Variants in SLC45A3 observed in about 807,000 individuals in gnomAD.
SLC45A3 encodes prostate cancer associated protein 2.
SLC45A3 carries 17 observed loss-of-function variants against 35.3 expected under a neutral mutation model. The observed-to-expected ratio is 0.48, with a 90% CI of 0.33 to 0.72. The LOEUF (loss-of-function observed/expected upper bound fraction) is 0.72. Ranked by LOEUF, SLC45A3 falls within the 30% of genes least tolerant of loss-of-function variation. The probability of loss-of-function intolerance (pLI) is 0.02; values close to 1 mark genes in which losing one functional copy is unlikely to be tolerated. For missense variants in SLC45A3, 597 were observed against 731.7 expected, an observed-to-expected ratio of 0.82 and a Z score of 2.12; for synonymous variants, 288 against 334.3, an observed-to-expected ratio of 0.86 and a Z score of 1.51.
rs990169769 is a variant in SLC45A3 at position 205,658,693 on chromosome 1, T to A, written c.*541A>T. On this transcript the variant is annotated 3_prime_UTR_variant, in exon 5 of 5. Coordinates refer to ENST00000367145, the MANE Select transcript of SLC45A3 (RefSeq NM_033102.3). ...AGTGCTGTGGGCTGAGGGGACCTGG[T>A]TCTTGTGTGTTGCCCCTCAGGACTC... 5.1e-5 allele frequency: 12 copies of A among 235,338 alleles called. No individual in the cohort carries two copies. Among genetic ancestry groups the A allele is most frequent in the African/African-American group, 2.4e-4 (11 of 45,290 alleles). The allele number at this position is 235,338 out of a possible 1,614,324, so 14.6% of individuals were successfully genotyped here. A position where few individuals can be genotyped will look rare whatever the true frequency, so the allele number is the denominator to read the frequency against.
chr1:205,663,136 C>T lies in SLC45A3; in HGVS notation c.655G>A (p.Glu219Lys). The change falls in exon 3 of 5, where the codon GAG becomes AAG. Residue 219 changes from glutamate to lysine, a missense_variant. This residue lies in a region of SLC45A3 where 555 missense variants were observed against 664.9 expected (regional missense o/e 0.83). Transcript: ENST00000367145. ...TCGGTGGGGCCCAGCGCTGCCTCCT[C>T]AGCCACCAGCAGTGTGGCTGCTACG... is the stretch of plus-strand genomic sequence containing the variant. Reference protein sequence around the residue: ...TCVAATLLVAEEAALGPTEPA... With the variant: ...TCVAATLLVAKEAALGPTEPA... The T allele has an allele frequency of 1.2e-6, 2 of 1,610,502 alleles. No homozygotes were observed. Among genetic ancestry groups the T allele is most frequent in the Non-Finnish European group, 1.7e-6 (2 of 1,178,476 alleles).
At chr1:205,678,937 T>TGGGCCCTCCC (rs1250764506) in intron 1 of SLC45A3, among the ~76,000 whole-genome samples, 1 of 152,162 alleles carries the variant, frequency 6.6e-6, no homozygotes, top group East Asian at 1.9e-4. Flanking sequence ...CTGGGCCTCC[T>TGGGCCCTCCC]GGGCCCTCCC....
chr1:205,672,510 T>G (rs1329650780), intron 1 of SLC45A3, among the ~76,000 whole-genome samples: 1 of 152,242 alleles, frequency 6.6e-6, no homozygotes, highest in Non-Finnish European at 1.5e-5. Flanking sequence ...ATATTGTACC[T>G]TCTCTCTAAT....
Position 205,659,041 on chromosome 1 carries a change from A to G in SLC45A3, c.*193T>C. On this transcript the variant is annotated 3_prime_UTR_variant, in exon 5 of 5. Transcript: ENST00000367145. The surrounding 1 kb of genome is among the most constrained non-coding windows in gnomAD (Gnocchi z 5.8). ...AGTCAGGCAGCCCTAGAGACTGGGG[A>G]GAGAGGAGAGGGACGCCCCAGCCCC... 2 of 610,300 alleles carry G rather than the reference A, an allele frequency of 3.3e-6. No individual in the cohort carries two copies. Among genetic ancestry groups the G allele is most frequent in the Non-Finnish European group, 5.7e-6 (2 of 351,364 alleles). 37.8% of individuals were successfully genotyped at this position (610,300 alleles called of 1,614,324 possible).
At chr1:205,670,672 A>G (rs981156955) in intron 1 of SLC45A3, among the ~76,000 whole-genome samples, 1 of 152,168 alleles carries the variant, frequency 6.6e-6, no homozygotes, top group African/African-American at 2.4e-5. Flanking sequence ...AGCTTGTCAG[A>G]GAGGGTGAGG....
At chr1:205,670,619 G>A (rs773578318) in intron 1 of SLC45A3, among the ~76,000 whole-genome samples, 1 of 152,234 alleles carries the variant, frequency 6.6e-6, no homozygotes, top group African/African-American at 2.4e-5. Flanking sequence ...TCGCCCTGCT[G>A]AGCTGCCTTT....
rs1338309308 is a variant in SLC45A3 at position 205,662,930 on chromosome 1, G to A, written c.861C>T (p.Thr287=). Residue 287 remains threonine (T), a synonymous_variant, in exon 3 of 5, where the codon ACC becomes ACT. Coordinates refer to ENST00000367145, the MANE Select transcript of SLC45A3 (RefSeq NM_033102.3). The surrounding 1 kb of genome is among the most constrained non-coding windows in gnomAD (Gnocchi z 6.2). ...AELCSWMALM[T]FTLFYTDFVG... is the part of the protein sequence containing the mutation. ...CGAAATCCGTGTAAAACAGCGTGAA[G>A]GTCATGAGTGCCATCCAGCTGCACA... 4 of 1,613,614 alleles carry A rather than the reference G, an allele frequency of 2.5e-6. No individual in the cohort carries two copies. In the Admixed American group the frequency reaches 6.7e-5, roughly 27 times the overall value.
chr1:205,670,351 T>C (rs185599088), intron 1 of SLC45A3, among the ~76,000 whole-genome samples: 6 of 152,246 alleles, frequency 3.9e-5, no homozygotes, highest in Non-Finnish European at 7.4e-5. Context: ...GGGCCAAATA[T>C]TTCCAAAGCA....
chr1:205,676,118 C>A (rs575443106), intron 1 of SLC45A3, among the ~76,000 whole-genome samples: 1 of 152,174 alleles, frequency 6.6e-6, no homozygotes, highest in African/African-American at 2.4e-5. Context: ...CTGGGTGCTC[C>A]GCTCACTAAG....
rs1343912899 is a variant in SLC45A3 at position 205,662,288 on chromosome 1, G to A, written c.959-162C>T. The A allele has an allele frequency of 3.5e-6, 5 of 1,429,990 alleles. No homozygotes were observed. The highest frequency in any genetic ancestry group is 4.6e-6 in the Non-Finnish European group (5 of 1,095,852). The allele number at this position is 1,429,990 out of a possible 1,614,324, so 88.6% of individuals were successfully genotyped here. A position where few individuals can be genotyped will look rare whatever the true frequency, so the allele number is the denominator to read the frequency against. ...CCCCTTTCTACCTCTAGCAATGGGA[G>A]TCTAGGTTCTTCCACTGACCCTCAG... On this transcript the variant is annotated intron_variant, in intron 3 of 4. Transcript: ENST00000367145. The surrounding 1 kb of genome is among the most constrained non-coding windows in gnomAD (Gnocchi z 6.2).
intron 1 of SLC45A3, among the ~76,000 whole-genome samples, chr1:205,679,703 C>T (rs1316342549): frequency 6.6e-6 from 1 of 151,310 alleles, no homozygotes; most frequent in Non-Finnish European, 1.5e-5. Flanking sequence ...CACACACACA[C>T]ACACACACAC....
Position 205,662,622 on chromosome 1 carries a change from A to C in SLC45A3, c.958+211T>G. ...TCAAACTGGGGCAACGACTCTGATC[A>C]GACTCCTAGAGCAGCCAGAGGCCTT... On this transcript the variant is annotated intron_variant, in intron 3 of 4. Transcript: ENST00000367145. The surrounding 1 kb of genome is among the most constrained non-coding windows in gnomAD (Gnocchi z 6.2). 7.3e-7 allele frequency: 1 copy of C among 1,361,794 alleles called. No homozygotes were observed. The highest frequency in any genetic ancestry group is 2.7e-5 in the East Asian group (1 of 37,054). The allele number at this position is 1,361,794 out of a possible 1,614,324, so 84.4% of individuals were successfully genotyped here.
Position 205,664,600 on chromosome 1 carries a change from C to G in SLC45A3, c.57G>C (p.Leu19Phe). 1 of 1,614,276 alleles carries G rather than the reference C, an allele frequency of 6.2e-7. No individual in the cohort carries two copies. The highest frequency in any genetic ancestry group is 1.7e-5 in the Admixed American group (1 of 60,032). The change falls in exon 2 of 5, where the codon TTG becomes TTC. Residue 19 changes from leucine (L) to phenylalanine (F), a missense_variant. Around this residue, in one of 3 missense-constraint regions of SLC45A3, gnomAD observed 37 missense variants for 41.1 expected, o/e 0.90. Transcript: ENST00000367145. This position sits in a 1 kb window ranked among gnomAD's most constrained non-coding sequence, Gnocchi z 5.3. Reference sequence around the variant, plus strand: ...GGCCAAAGGTTAGCAGGTTGACCAGCAAGAGCTGGGCTTTCCGGTGCCGCA... The same window carrying G: ...GGCCAAAGGTTAGCAGGTTGACCAGGAAGAGCTGGGCTTTCCGGTGCCGCA... ...RLLRHRKAQL[L>F]LVNLLTFGLE...
chr1:205,677,152 T>C, intron 1 of SLC45A3, among the ~76,000 whole-genome samples: 1 of 152,208 alleles, frequency 6.6e-6, no homozygotes, highest in East Asian at 1.9e-4. Context: ...TTTTCCAGCC[T>C]GAGGGGTACA....
At chr1:205,672,286 T>G (rs1336586793) in intron 1 of SLC45A3, among the ~76,000 whole-genome samples, 2 of 151,830 alleles carry the variant, frequency 1.3e-5, no homozygotes, top group Non-Finnish European at 2.9e-5. Context: ...ATGCCAAGAA[T>G]GCAACTGCCT....
In SLC45A3 at chr1:205,664,472, T is replaced by C. The variant is rs762868795; in HGVS notation, c.172+13A>G. On this transcript the variant is annotated intron_variant, in intron 2 of 4. Transcript: ENST00000367145. The surrounding 1 kb of genome is among the most constrained non-coding windows in gnomAD (Gnocchi z 5.3). ...TATCTGGAACAGGAAGGAAGGAGGA[T>C]GTAGTGACTCACCCAGCACCATGGT... is the stretch of plus-strand genomic sequence containing the variant. 1 of 1,613,588 alleles carries C rather than the reference T, an allele frequency of 6.2e-7. No individual in the cohort carries two copies.
chr1:205,679,371 A>G (rs1430764144), intron 1 of SLC45A3, among the ~76,000 whole-genome samples: 3 of 152,132 alleles, frequency 2.0e-5, no homozygotes, highest in Non-Finnish European at 2.9e-5. Flanking sequence ...TCTGTCAGGA[A>G]GATGGAGGCT....
chr1:205,663,125 C>T lies in SLC45A3; in HGVS notation c.666G>A (p.Ala222=), dbSNP rs370721708. 35 of 1,583,876 alleles carry T rather than the reference C, an allele frequency of 2.2e-5. No individual in the cohort carries two copies. Among genetic ancestry groups the T allele is most frequent in the East Asian group, 2.7e-5 (1 of 37,292 alleles). Residue 222 remains alanine (A), a synonymous_variant, in exon 3 of 5, where the codon GCG becomes GCA. Transcript: ENST00000367145. ...CTTCTGCTGGCTCGGTGGGGCCCAG[C>T]GCTGCCTCCTCAGCCACCAGCAGTG... ...AATLLVAEEA[A]LGPTEPAEGL... is the part of the protein sequence containing the mutation.
intron 2 of SLC45A3, 93 bp from the exon 3 acceptor site, chr1:205,663,711 A>G: frequency 7.8e-7 from 1 of 1,274,468 alleles, no homozygotes; most frequent in Non-Finnish European, 1.1e-6. Context: ...TGGAAATAAC[A>G]TTCCGTACTC....
Sources: gnomAD v4.1 joint callset for allele counts (sites outside exome capture counted in the v4.1 genomes callset) on GRCh38, gnomAD v4.1.1 for gene constraint, gnomAD v4.1.1 regional missense constraint, Gnocchi (gnomAD v3.1) non-coding constraint, MANE v1.5 for transcripts, NCBI Gene and HGNC (gene_info 2026-07-23, HGNC 2026-07-21) for gene names.